The following ACOT7 variants were observed in gnomAD, a reference collection of about 807,000 sequenced individuals.
The protein encoded by ACOT7 is cytosolic acyl coenzyme A thioester hydrolase.
In ACOT7, 12 loss-of-function variants were observed where a neutral mutation model predicts 40.2. The ratio of observed to expected loss-of-function variants is 0.30; its 90% CI spans 0.19 to 0.48. The LOEUF (loss-of-function observed/expected upper bound fraction) is 0.48, where lower values mean the gene tolerates loss of function less well. ACOT7 is among the 20% of genes least tolerant of loss of function. The pLI is 0.99. For synonymous variants in ACOT7, 228 were observed against 219.5 expected (o/e 1.04, Z -0.34); for missense variants, 395 against 530.8 (o/e 0.74, Z 2.51).
At chr1:6,339,660 C>T (rs1172357233) in intron 2 of ACOT7, 71 bp from the exon 3 acceptor site, 7 of 1,555,668 alleles carry the variant, frequency 4.5e-6, no homozygotes, top group East Asian at 4.6e-5. Flanking sequence ...CAGGACATGC[C>T]CCCTGGAAAC....
At chr1:6,269,119 A>G (rs931924145) in intron 8 of ACOT7, among the ~76,000 whole-genome samples, 2 of 152,216 alleles carry the variant, frequency 1.3e-5, no homozygotes, top group East Asian at 3.8e-4. Context: ...GTCCACTTTT[A>G]CCAATGAGGA....
chr1:6,351,333 CG>C (rs1641585667), intron 1 of ACOT7, among the ~76,000 whole-genome samples: 1 of 152,238 alleles, frequency 6.6e-6, no homozygotes, highest in South Asian at 2.1e-4. Context: ...ACACAGTGGC[CG>C]GGGGATCCCC....
chr1:6,300,906 C>T (rs1571285172), intron 6 of ACOT7, among the ~76,000 whole-genome samples: 1 of 152,236 alleles, frequency 6.6e-6, no homozygotes. Context: ...CTCCATTCTA[C>T]AAGTCAGGAA....
intron 8 of ACOT7, among the ~76,000 whole-genome samples, chr1:6,273,449 T>G (rs552739302): frequency 6.6e-6 from 1 of 152,234 alleles, no homozygotes; most frequent in Non-Finnish European, 1.5e-5. Flanking sequence ...TCCCGCTAAA[T>G]GCAGGCAAAA....
At chr1:6,349,947 G>T in intron 1 of ACOT7, 81 bp from the exon 2 acceptor site, 4 of 1,357,134 alleles carry the variant, frequency 2.9e-6, no homozygotes, top group South Asian at 2.4e-5. Flanking sequence ...AGGGGAGAAG[G>T]TCCCCAAAGG....
chr1:6,344,597 C>G (rs1172518759), intron 2 of ACOT7, among the ~76,000 whole-genome samples: 2 of 151,932 alleles, frequency 1.3e-5, no homozygotes, highest in East Asian at 3.9e-4. Context: ...AACCCTGTCT[C>G]TACTAAAAAT....
chr1:6,295,255 G>A (rs1639780669), intron 6 of ACOT7: 1 of 279,868 alleles, frequency 3.6e-6, no homozygotes. Flanking sequence ...TCACCCTGCT[G>A]GGCAAGTTTT....
At chr1:6,277,008 G>C (rs1352965710) in intron 8 of ACOT7, among the ~76,000 whole-genome samples, 1 of 151,944 alleles carries the variant, frequency 6.6e-6, no homozygotes, top group Admixed American at 6.6e-5. Flanking sequence ...CCAGGGTATG[G>C]AGTTCTGGAA....
At chr1:6,323,959 C>T (rs532132094) in intron 5 of ACOT7, among the ~76,000 whole-genome samples, 2 of 151,908 alleles carry the variant, frequency 1.3e-5, no homozygotes, top group East Asian at 1.9e-4. Flanking sequence ...AAGATGGCCT[C>T]TCCAGGGCAG....
rs1296952670 is a variant in ACOT7, at chr1:6,282,093, G to A, written c.830-807C>T. Among the ~76,000 whole-genome samples the A allele has an allele frequency of 6.6e-6, 1 of 151,830 alleles. No individual in the cohort carries two copies. The highest frequency in any genetic ancestry group is 1.9e-4 in the East Asian group (1 of 5,184). ...TCAACCCTAACCAACCTCTCTGTAC[G>A]CCCCACGCTCCCCAGGGCACGACAG... On this transcript the variant is annotated intron_variant, in intron 7 of 8. Coordinates refer to ENST00000361521, the MANE Select transcript of ACOT7 (RefSeq NM_007274.4). This position sits in a 1 kb window ranked among gnomAD's most constrained non-coding sequence, Gnocchi z 4.5.
intron 7 of ACOT7, among the ~76,000 whole-genome samples, chr1:6,286,993 A>G (rs1374731262): frequency 6.6e-6 from 1 of 152,194 alleles, no homozygotes; most frequent in African/African-American, 2.4e-5. Flanking sequence ...TCAGCATGTT[A>G]GCCAGGATGG....
intron 2 of ACOT7, among the ~76,000 whole-genome samples, chr1:6,344,665 G>A (rs1641367279): frequency 6.7e-6 from 1 of 149,624 alleles, no homozygotes; most frequent in Non-Finnish European, 1.5e-5. Context: ...TCGGGAGGCT[G>A]AGGCAGGAGA....
chr1:6,336,290 C>T (rs1211848401), intron 3 of ACOT7, among the ~76,000 whole-genome samples: 3 of 142,282 alleles, frequency 2.1e-5, no homozygotes, highest in Non-Finnish European at 4.5e-5. Flanking sequence ...GCCGAGATTG[C>T]GCCACTGCAC....
chr1:6,281,037 C>T, intron 8 of ACOT7, 65 bp downstream of exon 8: 3 of 1,562,306 alleles, frequency 1.9e-6, no homozygotes, highest in Non-Finnish European at 2.6e-6. Context: ...CCCTGGAGGC[C>T]CAAACACAGG....
chr1:6,316,197 G>C (rs1264986506), intron 6 of ACOT7, among the ~76,000 whole-genome samples: 1 of 152,232 alleles, frequency 6.6e-6, no homozygotes, highest in Non-Finnish European at 1.5e-5. Flanking sequence ...ATACTCGGAA[G>C]TGGCAGAAGC....
intron 6 of ACOT7, among the ~76,000 whole-genome samples, chr1:6,298,849 AAC>A (rs1639885520): frequency 6.6e-6 from 1 of 152,188 alleles, no homozygotes; most frequent in Non-Finnish European, 1.5e-5. Flanking sequence ...AGGAAGTGAA[AAC>A]ACAAAACAGA....
intron 8 of ACOT7, among the ~76,000 whole-genome samples, chr1:6,265,257 G>A (rs1459698271): frequency 2.0e-5 from 3 of 146,906 alleles, no homozygotes; most frequent in African/African-American, 7.9e-5. Flanking sequence ...GCCCCAGAGA[G>A]ACGTGGGGAA....
intron 5 of ACOT7, among the ~76,000 whole-genome samples, chr1:6,324,404 CAG>C (rs1357286527): frequency 6.6e-6 from 1 of 152,200 alleles, no homozygotes; most frequent in Non-Finnish European, 1.5e-5. Context: ...CTCTGACTGA[CAG>C]TGAATAACAC....
At position 6,352,882 on chromosome 1, in the gene ACOT7, TTTTG is replaced by T. The variant is rs1375258259; in HGVS notation, c.144-3020_144-3017del. 7.3e-5 allele frequency among the ~76,000 whole-genome samples: 11 copies of T among 151,606 alleles called. No individual in the cohort carries two copies. Among genetic ancestry groups the T allele is most frequent in the East Asian group, 5.8e-4 (3 of 5,168 alleles). On this transcript the variant is annotated intron_variant, in intron 1 of 8. Transcript: ENST00000361521. This position sits in a 1 kb window ranked among gnomAD's most constrained non-coding sequence, Gnocchi z 4.5. ...AAGCACTTCATGTTCCTCTTTACTATTTTGTTTGTTTTTTGAGACAGCGTCTCAT... is the reference window on the plus strand; with the variant it reads ...AAGCACTTCATGTTCCTCTTTACTATTTTGTTTTTTGAGACAGCGTCTCAT...
Sources: allele counts gnomAD v4.1 joint callset (sites outside exome capture counted in the v4.1 genomes callset), GRCh38; gene constraint gnomAD v4.1.1; non-coding constraint Gnocchi (gnomAD v3.1); transcripts MANE v1.5; gene names NCBI Gene and HGNC (gene_info 2026-07-23, HGNC 2026-07-21).